ABCC1: variants seen among roughly 807,000 people sequenced by gnomAD.
ABCC1 encodes ATP binding cassette subfamily C member 1 (ABCC1 blood group), also known as multidrug resistance-associated protein 1.
A neutral mutation model predicts 172.9 loss-of-function variants in ABCC1; 83 were observed. The observed-to-expected ratio is 0.48, with a 90% CI of 0.40 to 0.58. ABCC1 has a LOEUF of 0.58. Among genes scored for constraint, ABCC1 ranks in the 20% least tolerant of loss-of-function variants. The pLI is 0.00. For synonymous variants in ABCC1, 937 were observed against 825.2 expected (o/e 1.14, Z -2.32); for missense variants, 1,817 against 2,002.7 (o/e 0.91, Z 1.77).
At chr16:16,067,991 T>C (rs1408067504) in intron 12 of ABCC1, among the ~76,000 whole-genome samples, 165 bp from the exon 13 acceptor site, 1 of 149,954 alleles carries the variant, frequency 6.7e-6, no homozygotes, top group Non-Finnish European at 1.5e-5. Flanking sequence ...AGTGAGCACC[T>C]GCCATGTGCC....
chr16:16,097,177 A>G (rs545482008), intron 19 of ABCC1, among the ~76,000 whole-genome samples: 4 of 152,118 alleles, frequency 2.6e-5, no homozygotes, highest in African/African-American at 4.8e-5. Flanking sequence ...CAATGGTGCA[A>G]TCTCGGCTCA....
intron 12 of ABCC1, among the ~76,000 whole-genome samples, chr16:16,064,208 G>GCTC (rs1262081037): frequency 1.3e-5 from 2 of 152,166 alleles, no homozygotes; most frequent in Non-Finnish European, 2.9e-5. Flanking sequence ...GGGGACAGGT[G>GCTC]CTCCTCACTG....
chr16:16,072,399 G>C (rs966183050), intron 14 of ABCC1, among the ~76,000 whole-genome samples: 1 of 151,800 alleles, frequency 6.6e-6, no homozygotes, highest in African/African-American at 2.4e-5. Context: ...TGTCCAGGCC[G>C]GTCTCGAACT....
intron 18 of ABCC1, 133 bp from the exon 19 acceptor site, chr16:16,090,272 A>G (rs535243088): frequency 2.8e-4 from 244 of 863,480 alleles, no homozygotes; most frequent in Non-Finnish European, 3.8e-4. Flanking sequence ...TCGCGGGTGC[A>G]TGTCCCACCT....
intron 27 of ABCC1, among the ~76,000 whole-genome samples, chr16:16,132,510 G>GTGTTTTT (rs2045735348): frequency 2.7e-5 from 1 of 37,298 alleles, no homozygotes; most frequent in Non-Finnish European, 5.0e-5. Context: ...TTGGTTGGTT[G>GTGTTTTT]TTTTTTTTTT....
chr16:16,025,737 T>G (rs1263801030), intron 5 of ABCC1, among the ~76,000 whole-genome samples: 1 of 152,228 alleles, frequency 6.6e-6, no homozygotes, highest in Non-Finnish European at 1.5e-5. Flanking sequence ...CCAGCTCATC[T>G]GGTACCAAAC....
intron 5 of ABCC1, among the ~76,000 whole-genome samples, chr16:16,017,318 C>T (rs1464907539): frequency 2.0e-5 from 3 of 151,552 alleles, no homozygotes; most frequent in South Asian, 2.1e-4. Context: ...GTAGTCTTGA[C>T]CTCCTGGGCT....
At chr16:16,002,462 C>G (rs1232053980) in intron 1 of ABCC1, among the ~76,000 whole-genome samples, 1 of 152,144 alleles carries the variant, frequency 6.6e-6, no homozygotes, top group East Asian at 1.9e-4. Flanking sequence ...TAAAACACAT[C>G]TATGTTACTG....
intron 21 of ABCC1, among the ~76,000 whole-genome samples, chr16:16,110,613 T>C (rs1392812040): frequency 1.3e-5 from 2 of 152,140 alleles, no homozygotes; most frequent in Non-Finnish European, 2.9e-5. Flanking sequence ...GGTCTCAAAC[T>C]CCTGACCTCA....
intron 1 of ABCC1, among the ~76,000 whole-genome samples, chr16:15,990,609 AATGTTCTCCAGGCGCATCC>A (rs1567289969): frequency 6.6e-6 from 1 of 151,890 alleles, no homozygotes; most frequent in African/African-American, 2.4e-5. Flanking sequence ...CATTTAGCAT[AATGTTCTCCAGGCGCATCC>A]ATGTTGTTGC....
chr16:16,080,156 C>G (rs1280286272), intron 16 of ABCC1, among the ~76,000 whole-genome samples: 2 of 152,130 alleles, frequency 1.3e-5, no homozygotes, highest in Non-Finnish European at 1.5e-5. Context: ...CCCTGGTACG[C>G]AGCCTGTGTC....
rs376429503 is a variant in ABCC1 at position 16,134,454 on chromosome 16, C to T, written c.4071C>T (p.Asn1357=). ...GAGAGATCATCATCGATGGCATCAA[C>T]ATCGCCAAGATCGGCCTGCACGACC... ...AEGEIIIDGI[N]IAKIGLHDLR... The change falls in exon 28 of 31, where the codon AAC becomes AAT. Residue 1357 remains asparagine (N), a synonymous_variant. Coordinates refer to ENST00000399410, the MANE Select transcript of ABCC1 (RefSeq NM_004996.4). 6.2e-7 allele frequency: 1 copy of T among 1,614,190 alleles called. No homozygotes were observed. The highest frequency in any genetic ancestry group is 8.5e-7 in the Non-Finnish European group (1 of 1,180,024).
intron 3 of ABCC1, among the ~76,000 whole-genome samples, chr16:16,013,208 A>C (rs151005046): frequency 2.4e-4 from 36 of 152,002 alleles, no homozygotes; most frequent in African/African-American, 6.8e-4. Flanking sequence ...CATTCTGACT[A>C]TATCCCAGGG....
chr16:16,112,428 C>G (rs139138966), intron 22 of ABCC1, among the ~76,000 whole-genome samples: 5 of 151,928 alleles, frequency 3.3e-5, no homozygotes, highest in African/African-American at 1.2e-4. Flanking sequence ...TGGGAGTCCT[C>G]AAATGCAGCA....
At position 16,096,899 on chromosome 16, in the gene ABCC1, A is replaced by G. The variant is rs2051504659; in HGVS notation, c.2645-5728A>G. Among the ~76,000 whole-genome samples the G allele has an allele frequency of 1.6e-5, 2 of 125,160 alleles. 1 individual carries two copies. The highest frequency in any genetic ancestry group is 6.2e-5 in the African/African-American group (2 of 32,376). The allele number at this position is 125,160 out of a possible 152,430, so 82.1% of individuals were successfully genotyped here. A position where few individuals can be genotyped will look rare whatever the true frequency, so the allele number is the denominator to read the frequency against. Reference sequence around the variant, plus strand: ...ACTCAGTGACAGTCACTGAATTACAAGTTTCGTGTGTTTGCTTTAAAAAAA... The same window carrying G: ...ACTCAGTGACAGTCACTGAATTACAGGTTTCGTGTGTTTGCTTTAAAAAAA... On this transcript the variant is annotated intron_variant, in intron 19 of 30. Transcript: ENST00000399410.
At chr16:16,017,547 C>T (rs1177944530) in intron 5 of ABCC1, among the ~76,000 whole-genome samples, 3 of 152,044 alleles carry the variant, frequency 2.0e-5, no homozygotes, top group African/African-American at 7.2e-5. Context: ...ATTAGCTATT[C>T]CTCCTGATGT....
chr16:16,100,731 C>T (rs2051699794), intron 19 of ABCC1, among the ~76,000 whole-genome samples: 1 of 152,242 alleles, frequency 6.6e-6, no homozygotes, highest in South Asian at 2.1e-4. Context: ...GTCGCCATCA[C>T]TGAACACTTG....
chr16:16,084,772 C>T (rs2050944933), intron 17 of ABCC1, among the ~76,000 whole-genome samples: 1 of 152,178 alleles, frequency 6.6e-6, no homozygotes, highest in African/African-American at 2.4e-5. Context: ...AGGCCCCTGC[C>T]ACCACGCACA....
intron 22 of ABCC1, among the ~76,000 whole-genome samples, chr16:16,114,448 C>G (rs1567420863): frequency 6.6e-6 from 1 of 151,804 alleles, no homozygotes; most frequent in South Asian, 2.1e-4. Context: ...TCAAGCAATT[C>G]CCTTGCCTCA....
Sources: gnomAD v4.1 joint callset for allele counts (sites outside exome capture counted in the v4.1 genomes callset) on GRCh38, gnomAD v4.1.1 for gene constraint, MANE v1.5 for transcripts, NCBI Gene and HGNC (gene_info 2026-07-23, HGNC 2026-07-21) for gene names.